ZNF516: variants seen among roughly 807,000 people sequenced by gnomAD.
The protein encoded by ZNF516 is zinc finger protein 516.
In ZNF516, 19 loss-of-function variants were observed where a neutral mutation model predicts 79.7. The ratio of observed to expected loss-of-function variants is 0.24; its 90% CI spans 0.17 to 0.35. The LOEUF (loss-of-function observed/expected upper bound fraction) is 0.35. Ranked by LOEUF, ZNF516 falls within the 10% of genes least tolerant of loss-of-function variation. The pLI, the probability that ZNF516 is intolerant of heterozygous loss-of-function variation, is 1.00. For synonymous variants in ZNF516, 877 were observed against 739.5 expected (o/e 1.19, Z -3.02); for missense variants, 1,678 against 1,679.5 (o/e 1.00, Z 0.02).
intron 5 of ZNF516, 117 bp from the exon 6 acceptor site, chr18:76,370,712 T>TGTG (rs1484866745): frequency 1.2e-6 from 1 of 834,100 alleles, no homozygotes; most frequent in Admixed American, 3.8e-5. Context: ...GCCTAGCCTG[T>TGTG]GGCTGGAAAA....
intron 3 of ZNF516, among the ~76,000 whole-genome samples, chr18:76,428,320 C>T (rs1314162295): frequency 6.7e-6 from 1 of 149,352 alleles, no homozygotes; most frequent in Non-Finnish European, 1.5e-5. Context: ...TTGAACCTGA[C>T]AGACAGAGGT....
At chr18:76,370,626 A>G in intron 5 of ZNF516, 31 bp from the exon 6 acceptor site, 1 of 1,559,886 alleles carries the variant, frequency 6.4e-7, no homozygotes, top group Non-Finnish European at 8.7e-7. Flanking sequence ...TTAACAGATC[A>G]GCGTGTGAGC....
intron 1 of ZNF516, among the ~76,000 whole-genome samples, chr18:76,486,802 G>A (rs544946859): frequency 6.6e-6 from 1 of 151,840 alleles, no homozygotes; most frequent in African/African-American, 2.4e-5. Flanking sequence ...AATTACATAC[G>A]ATATACATCT....
Position 76,466,633 on chromosome 18 carries a change from C to A in ZNF516, c.-271-3492G>T, listed in dbSNP as rs552596874. Among the ~76,000 whole-genome samples, 24 of 152,362 alleles carry A rather than the reference C, an allele frequency of 1.6e-4. No homozygotes were observed. In the East Asian group the frequency reaches 2.5e-3, roughly 16 times the overall value. On this transcript the variant is annotated intron_variant, in intron 1 of 6. Coordinates refer to ENST00000443185, the MANE Select transcript of ZNF516 (RefSeq NM_014643.4). ...GAGAAAGGCACTCTGTGGACAGGCT[C>A]TCTAGACAGCGTGGCACACAGGACG...
Position 76,443,177 on chromosome 18 carries a change from T to C in ZNF516, c.-123A>G. ...GTGCCTGCTCCCAGGAGGTGCACCT[T>C]CTACATGGGGGGCGCAGCAGCTGGC... On this transcript the variant is annotated 5_prime_UTR_variant, in exon 3 of 7. Transcript: ENST00000443185. The C allele has an allele frequency of 1.4e-6, 2 of 1,381,572 alleles. No homozygotes were observed. The highest frequency in any genetic ancestry group is 1.9e-6 in the Non-Finnish European group (2 of 1,055,658). 85.6% of individuals were successfully genotyped at this position (1,381,572 alleles called of 1,614,324 possible). A position where few individuals can be genotyped will look rare whatever the true frequency, so the allele number is the denominator to read the frequency against.
At chr18:76,492,674 C>T in intron 1 of ZNF516, 2 of 974,834 alleles carry the variant, frequency 2.1e-6, no homozygotes, top group Non-Finnish European at 2.4e-6. Context: ...TGCCCAGGCA[C>T]CAAGGCCAGA....
In ZNF516 at chr18:76,403,667, G is replaced by C. The variant is rs543773748; in HGVS notation, c.1811-23364C>G. ...CTTTAAAGTGAGAAAACAGGCGCATGTTTGGAGGTAATTCTTAAAGCTGAG... is the reference window on the plus strand; with the variant it reads ...CTTTAAAGTGAGAAAACAGGCGCATCTTTGGAGGTAATTCTTAAAGCTGAG... On this transcript the variant is annotated intron_variant, in intron 3 of 6. Coordinates refer to ENST00000443185, the MANE Select transcript of ZNF516 (RefSeq NM_014643.4). Among the ~76,000 whole-genome samples, 3 of 152,316 alleles carry C rather than the reference G, an allele frequency of 2.0e-5. No individual in the cohort carries two copies. The East Asian group carries it at 5.8e-4, about 29-fold the overall frequency.
chr18:76,362,177 C>A lies in ZNF516; in HGVS notation c.*321G>T. On this transcript the variant is annotated 3_prime_UTR_variant, in exon 7 of 7. Coordinates refer to ENST00000443185, the MANE Select transcript of ZNF516 (RefSeq NM_014643.4). ...TCTTGAATAAGACAGATGCCTTGTG[C>A]CCCTACTGTGCCTGCCAGTACTACT... 2 of 265,162 alleles carry A rather than the reference C, an allele frequency of 7.5e-6. No homozygotes were observed. The highest frequency in any genetic ancestry group is 7.3e-6 in the Non-Finnish European group (1 of 137,550). 16.4% of individuals were successfully genotyped at this position (265,162 alleles called of 1,614,324 possible).
chr18:76,436,591 C>T (rs970574225), intron 3 of ZNF516, among the ~76,000 whole-genome samples: 2 of 152,110 alleles, frequency 1.3e-5, no homozygotes, highest in East Asian at 1.9e-4. Flanking sequence ...GGTCAGTGCG[C>T]GAAGGTATTG....
chr18:76,420,328 T>C (rs2075490374), intron 3 of ZNF516, among the ~76,000 whole-genome samples: 1 of 152,222 alleles, frequency 6.6e-6, no homozygotes. Context: ...TCTCACCCTC[T>C]GGCCCAAAAT....
chr18:76,404,538 ATG>A (rs1284377426), intron 3 of ZNF516, among the ~76,000 whole-genome samples: 4 of 151,944 alleles, frequency 2.6e-5, no homozygotes, highest in Non-Finnish European at 2.9e-5. Flanking sequence ...GTGTGTGAAC[ATG>A]TGTGAACGTG....
At chr18:76,407,746 C>T (rs940598694) in intron 3 of ZNF516, among the ~76,000 whole-genome samples, 11 of 152,266 alleles carry the variant, frequency 7.2e-5, no homozygotes, top group African/African-American at 2.7e-4. Flanking sequence ...CTTATAGCTA[C>T]AGCCCGCAAG....
chr18:76,389,204 C>T (rs1792786186), intron 3 of ZNF516: 1 of 151,574 alleles, frequency 6.6e-6, no homozygotes, highest in Non-Finnish European at 1.5e-5. Flanking sequence ...GGTCACGAGC[C>T]ACAGCTGGCA....
intron 2 of ZNF516, among the ~76,000 whole-genome samples, chr18:76,455,157 G>T (rs1224393470): frequency 1.3e-5 from 2 of 151,866 alleles, no homozygotes; most frequent in Non-Finnish European, 2.9e-5. Context: ...GTTGCTTTGC[G>T]AACATTTTCC....
chr18:76,473,206 C>T lies in ZNF516; in HGVS notation c.-271-10065G>A, dbSNP rs966399591. Among the ~76,000 whole-genome samples, 23 of 149,810 alleles carry T rather than the reference C, an allele frequency of 1.5e-4. 1 individual carries two copies. Among genetic ancestry groups the T allele is most frequent in the South Asian group, 8.5e-4 (4 of 4,714 alleles). ...CCAATAAAGAGAAAAGAAGAAAAAGCGAGGAAGCACAAAAGTTTTTTTTTT... is the reference window on the plus strand; with the variant it reads ...CCAATAAAGAGAAAAGAAGAAAAAGTGAGGAAGCACAAAAGTTTTTTTTTT... On this transcript the variant is annotated intron_variant, in intron 1 of 6. Coordinates refer to ENST00000443185, the MANE Select transcript of ZNF516 (RefSeq NM_014643.4).
At chr18:76,390,147 G>C (rs879759217) in intron 3 of ZNF516, among the ~76,000 whole-genome samples, 2 of 152,126 alleles carry the variant, frequency 1.3e-5, no homozygotes, top group South Asian at 4.1e-4. Flanking sequence ...CTATGGTCAC[G>C]ACCCGGACCC....
Position 76,379,303 on chromosome 18 carries a change from G to A in ZNF516, c.2811C>T (p.Ala937=). The change falls in exon 4 of 7, where the codon GCC becomes GCT. Residue 937 remains alanine (A), a synonymous_variant. Coordinates refer to ENST00000443185, the MANE Select transcript of ZNF516 (RefSeq NM_014643.4). ...TGGCCGAGGGCTGCGCGCCAGCCCG[G>A]GCGATGACGGTGGGCGTAGGGGTGG... ...RSATPTPTVI[A]RAGAQPSANS... is the part of the protein sequence containing the mutation. The A allele has an allele frequency of 6.2e-7, 1 of 1,607,554 alleles. No homozygotes were observed. Among genetic ancestry groups the A allele is most frequent in the Non-Finnish European group, 8.5e-7 (1 of 1,176,674 alleles).
Position 76,379,415 on chromosome 18 carries a change from G to A in ZNF516, c.2699C>T (p.Ala900Val), listed in dbSNP as rs1231884564. 5 of 1,609,240 alleles carry A rather than the reference G, an allele frequency of 3.1e-6. No individual in the cohort carries two copies. Among genetic ancestry groups the A allele is most frequent in the African/African-American group, 1.3e-5 (1 of 74,776 alleles). The change falls in exon 4 of 7, where the codon GCC (alanine) becomes GTC (valine). Residue 900 changes from alanine (A) to valine (V), a missense_variant. This residue lies in a region of ZNF516 where 1,294 missense variants were observed against 1,248.3 expected (regional missense o/e 1.04). Coordinates refer to ENST00000443185, the MANE Select transcript of ZNF516 (RefSeq NM_014643.4). ...GGGCTTGGCCAGGGGCCCCTGTGTG[G>A]CCGCGCCATGTGGCTCCTGGCCGTG... ...PCHGQEPHGA[A>V]TQGPLAKPRQ... is the part of the protein sequence containing the mutation.
intron 2 of ZNF516, among the ~76,000 whole-genome samples, chr18:76,462,613 C>G (rs575578552): frequency 4.5e-4 from 69 of 152,286 alleles, no homozygotes; most frequent in African/African-American, 1.7e-3. Context: ...AAACATCGCC[C>G]AACTGTAATA....
Sources: allele counts gnomAD v4.1 joint callset (sites outside exome capture counted in the v4.1 genomes callset), GRCh38; gene constraint gnomAD v4.1.1; regional missense constraint gnomAD v4.1.1; transcripts MANE v1.5; gene names NCBI Gene and HGNC (gene_info 2026-07-23, HGNC 2026-07-21).